VTI1A: variants seen among roughly 807,000 people sequenced by gnomAD.
VTI1A encodes the protein vesicle transport through interaction with t-SNAREs 1A.
Under a neutral mutation model 34.9 loss-of-function variants are expected in VTI1A, and 22 were observed. That is an observed-to-expected ratio of 0.63 (90% CI 0.45 to 0.90). The LOEUF (loss-of-function observed/expected upper bound fraction) is 0.90. VTI1A is among the 40% of genes least tolerant of loss of function. The probability of loss-of-function intolerance (pLI) is 0.00; values close to 1 mark genes in which losing one functional copy is unlikely to be tolerated. For missense variants in VTI1A, 268 were observed against 275.6 expected (o/e 0.97, Z 0.20); for synonymous variants, 87 against 97.3 (o/e 0.89, Z 0.62).
At chr10:112,748,463 A>T (rs1333033315) in intron 7 of VTI1A, among the ~76,000 whole-genome samples, 1 of 152,112 alleles carries the variant, frequency 6.6e-6, no homozygotes, top group Non-Finnish European at 1.5e-5. Context: ...TTTTCTCCAG[A>T]TTTATATTCC....
In VTI1A at chr10:112,537,008, C is replaced by T. The variant is rs981505848; in HGVS notation, c.343-1238C>T. Reference sequence around the variant, plus strand: ...TAAGTGTGCATGTCAATACAGCTTGCATCTCCAAGATCCATGGGGGCTCAT... The same window carrying T: ...TAAGTGTGCATGTCAATACAGCTTGTATCTCCAAGATCCATGGGGGCTCAT... On this transcript the variant is annotated intron_variant, in intron 4 of 7. Transcript: ENST00000393077. Among the ~76,000 whole-genome samples, 4 of 152,130 alleles carry T rather than the reference C, an allele frequency of 2.6e-5. 1 individual carries two copies. The South Asian group carries it at 8.3e-4, about 32-fold the overall frequency.
intron 3 of VTI1A, among the ~76,000 whole-genome samples, chr10:112,474,101 G>A (rs1012175522): frequency 2.4e-4 from 37 of 151,594 alleles, no homozygotes; most frequent in African/African-American, 8.0e-4. Flanking sequence ...TCGCTCTGTC[G>A]CCTAGGGTGG....
rs931750548 is a variant in VTI1A at position 112,520,641 on chromosome 10, G to A, written c.265-6446G>A. Among the ~76,000 whole-genome samples the A allele has an allele frequency of 4.6e-3, 513 of 111,332 alleles. 4 individuals carry two copies. The highest frequency in any genetic ancestry group is 0.015 in the African/African-American group (486 of 33,256). The allele number at this position is 111,332 out of a possible 152,430, so 73.0% of individuals were successfully genotyped here. On this transcript the variant is annotated intron_variant, in intron 3 of 7. Transcript: ENST00000393077. ...TCTATATGTGTGTGTGTGTGTGTGT[G>A]TGTGTGTATATATATATATATATAT...
chr10:112,634,514 TACACACAC>T (rs10545562), intron 5 of VTI1A, among the ~76,000 whole-genome samples: 2,271 of 144,180 alleles, frequency 0.016, 49 homozygotes, highest in African/African-American at 0.052. Context: ...CACACACACA[TACACACAC>T]ACACACACAC....
intron 3 of VTI1A, among the ~76,000 whole-genome samples, chr10:112,474,119 T>C (rs1452101598): frequency 6.6e-6 from 1 of 152,136 alleles, no homozygotes; most frequent in Non-Finnish European, 1.5e-5. Flanking sequence ...TGGAGTGCAG[T>C]GGTGTGATCT....
intron 3 of VTI1A, among the ~76,000 whole-genome samples, chr10:112,492,744 G>A (rs533380235): frequency 3.4e-5 from 5 of 148,070 alleles, no homozygotes; most frequent in Admixed American, 6.9e-5. Context: ...CCAAGACCAC[G>A]CCACTGCACT....
At chr10:112,696,087 A>G (rs1265118086) in intron 7 of VTI1A, among the ~76,000 whole-genome samples, 1 of 132,168 alleles carries the variant, frequency 7.6e-6, no homozygotes, top group African/African-American at 3.6e-5. Context: ...GTAATTAGAG[A>G]GAATGATTAT....
chr10:112,548,864 G>A (rs943104070), intron 5 of VTI1A: 47 of 1,411,918 alleles, frequency 3.3e-5, no homozygotes, highest in Non-Finnish European at 4.4e-5. Flanking sequence ...TTACCGGAAC[G>A]GTGATCAATC....
intron 1 of VTI1A, among the ~76,000 whole-genome samples, chr10:112,454,139 A>C (rs890738217): frequency 2.6e-5 from 4 of 152,196 alleles, no homozygotes; most frequent in Non-Finnish European, 4.4e-5. Context: ...GTTTGACCCT[A>C]CATTTCTAAG....
At chr10:112,730,608 GTTCT>G (rs1332564259) in intron 7 of VTI1A, among the ~76,000 whole-genome samples, 2 of 150,788 alleles carry the variant, frequency 1.3e-5, no homozygotes, top group Non-Finnish European at 2.9e-5. Context: ...TTTCCTTCCT[GTTCT>G]TTCTTCCCTC....
intron 7 of VTI1A, chr10:112,752,518 T>A (rs1851138473): frequency 2.0e-6 from 2 of 985,424 alleles, no homozygotes; most frequent in South Asian, 4.7e-5. Context: ...ATTTGAGAAA[T>A]CTTTGAAATG....
chr10:112,461,536 C>T (rs1343867650), intron 2 of VTI1A, among the ~76,000 whole-genome samples: 1 of 152,136 alleles, frequency 6.6e-6, no homozygotes, highest in Non-Finnish European at 1.5e-5. Context: ...ATATTTGTTC[C>T]TAGTTTGCTA....
At chr10:112,683,200 T>C (rs1251559661) in intron 7 of VTI1A, among the ~76,000 whole-genome samples, 3 of 152,222 alleles carry the variant, frequency 2.0e-5, no homozygotes, top group Non-Finnish European at 4.4e-5. Context: ...TCAAATAGTC[T>C]TTCCTTCTGT....
At position 112,751,994 on chromosome 10, in the gene VTI1A, A is replaced by G. The variant is rs182860302; in HGVS notation, c.561-63296A>G. ...TCTTATCCAGTATAGGTATCAGGGA[A>G]GTGATTACACATGTTCAGATACATC... On this transcript the variant is annotated intron_variant, in intron 7 of 7. Coordinates refer to ENST00000393077, the MANE Select transcript of VTI1A (RefSeq NM_145206.4). 1.1e-3 allele frequency among the ~76,000 whole-genome samples: 170 copies of G among 152,324 alleles called. 1 individual carries two copies. Among genetic ancestry groups the G allele is most frequent in the African/African-American group, 3.9e-3 (162 of 41,566 alleles).
chr10:112,459,908 G>A (rs961291255), intron 1 of VTI1A, among the ~76,000 whole-genome samples: 11 of 152,062 alleles, frequency 7.2e-5, no homozygotes, highest in East Asian at 1.9e-4. Context: ...AAGTAATCCC[G>A]TAGATATTTT....
intron 5 of VTI1A, among the ~76,000 whole-genome samples, chr10:112,597,568 A>G (rs1844704774): frequency 6.6e-6 from 1 of 151,454 alleles, no homozygotes; most frequent in Admixed American, 6.6e-5. Flanking sequence ...CAAGCCAGGT[A>G]CAGTGGTACA....
At chr10:112,536,671 T>TA (rs1850629334) in intron 4 of VTI1A, among the ~76,000 whole-genome samples, 2 of 152,206 alleles carry the variant, frequency 1.3e-5, no homozygotes, top group East Asian at 3.9e-4. Context: ...TATGATAGAC[T>TA]GTTGTTGCAG....
chr10:112,730,618 C>T lies in VTI1A; in HGVS notation c.560+61620C>T, dbSNP rs371181135. ...CCCCCTTTCCTTCCTGTTCTTTCTT[C>T]CCTCTTTTTTCTTCTTTTTCCATCT... On this transcript the variant is annotated intron_variant, in intron 7 of 7. Transcript: ENST00000393077. Among the ~76,000 whole-genome samples, 5 of 151,860 alleles carry T rather than the reference C, an allele frequency of 3.3e-5. No individual in the cohort carries two copies. In the East Asian group the frequency reaches 9.7e-4, roughly 29 times the overall value.
At chr10:112,746,162 A>G (rs1850887628) in intron 7 of VTI1A, among the ~76,000 whole-genome samples, 1 of 152,180 alleles carries the variant, frequency 6.6e-6, no homozygotes, top group Non-Finnish European at 1.5e-5. Context: ...TTTGAAATCA[A>G]TTTTATGATA....
Sources: allele counts gnomAD v4.1 joint callset (sites outside exome capture counted in the v4.1 genomes callset), GRCh38; gene constraint gnomAD v4.1.1; transcripts MANE v1.5; gene names NCBI Gene and HGNC (gene_info 2026-07-23, HGNC 2026-07-21).